PAPPA: variants seen among roughly 807,000 people sequenced by gnomAD.
The protein encoded by PAPPA is pappalysin-1.
A neutral mutation model predicts 164.0 loss-of-function variants in PAPPA; 60 were observed. That is an observed-to-expected ratio of 0.37 (90% confidence interval 0.30 to 0.45). The LOEUF (loss-of-function observed/expected upper bound fraction) is 0.45. PAPPA is among the 20% of genes least tolerant of loss of function. The probability of loss-of-function intolerance (pLI) is 1.00; values close to 1 mark genes in which losing one functional copy is unlikely to be tolerated. For missense variants in PAPPA, 1,782 were observed against 2,087.3 expected, an observed-to-expected ratio of 0.85 and a Z score of 2.85; for synonymous variants, 875 against 814.1, an observed-to-expected ratio of 1.07 and a Z score of -1.27.
At chr9:116,259,938 T>G (rs1844981384) in intron 7 of PAPPA, among the ~76,000 whole-genome samples, 1 of 152,128 alleles carries the variant, frequency 6.6e-6, no homozygotes. Context: ...AAGAAAAGAA[T>G]GGCCAAATAA....
At chr9:116,342,828 G>C (rs1207673737) in intron 13 of PAPPA, among the ~76,000 whole-genome samples, 1 of 152,132 alleles carries the variant, frequency 6.6e-6, no homozygotes, top group Non-Finnish European at 1.5e-5. Context: ...CAGTCAGAGA[G>C]GCAAAAGTCA....
At chr9:116,212,316 G>T (rs1844318282) in intron 4 of PAPPA, among the ~76,000 whole-genome samples, 1 of 151,970 alleles carries the variant, frequency 6.6e-6, no homozygotes, top group Middle Eastern at 3.2e-3. Flanking sequence ...GATTGAGTAT[G>T]ATTTTTTTTT....
chr9:116,258,693 G>T (rs1844964789), intron 7 of PAPPA, among the ~76,000 whole-genome samples: 1 of 151,778 alleles, frequency 6.6e-6, no homozygotes, highest in African/African-American at 2.4e-5. Context: ...AATTATGAAA[G>T]TACTGAAATG....
intron 9 of PAPPA, among the ~76,000 whole-genome samples, chr9:116,290,669 T>C (rs1277328959): frequency 3.3e-5 from 5 of 152,010 alleles, no homozygotes; most frequent in Non-Finnish European, 5.9e-5. Context: ...TTTCTTTCTC[T>C]CTCTCTCTTT....
chr9:116,282,940 C>A (rs1845285021), intron 9 of PAPPA, among the ~76,000 whole-genome samples: 1 of 152,066 alleles, frequency 6.6e-6, no homozygotes, highest in Admixed American at 6.6e-5. Context: ...GATTAAGTAC[C>A]AAAGAGATGT....
rs1847052298 is a variant in PAPPA at position 116,401,383 on chromosome 9, G to GAT, written c.*4769_*4770dup. 6.6e-6 allele frequency: 1 copy of GAT among 152,530 alleles called. No homozygotes were observed. Among genetic ancestry groups the GAT allele is most frequent in the African/African-American group, 2.4e-5 (1 of 41,440 alleles). 9.4% of individuals were successfully genotyped at this position (152,530 alleles called of 1,614,324 possible). A position where few individuals can be genotyped will look rare whatever the true frequency, so the allele number is the denominator to read the frequency against. ...CACATCAAGTGTTCCATTAAAAGAA[G>GAT]ATAAGGCATTCTGAGTGCAAACAAA... On this transcript the variant is annotated 3_prime_UTR_variant, in exon 22 of 22. Transcript: ENST00000328252.
rs749227108 is a variant in PAPPA at position 116,385,780 on chromosome 9, G to A, written c.4776+3287G>A. Among the ~76,000 whole-genome samples, 6 of 152,200 alleles carry A rather than the reference G, an allele frequency of 3.9e-5. No homozygotes were observed. The South Asian group carries it at 6.2e-4, about 16-fold the overall frequency. ...TGGCCAAGCTGCCTTCATCCAATGC[G>A]GTGAATCTCCATTGAGGATCTCTGT... On this transcript the variant is annotated intron_variant, in intron 21 of 21. Coordinates refer to ENST00000328252, the MANE Select transcript of PAPPA (RefSeq NM_002581.5).
chr9:116,320,951 A>C (rs1176530438), intron 10 of PAPPA, among the ~76,000 whole-genome samples: 1 of 152,158 alleles, frequency 6.6e-6, no homozygotes, highest in Non-Finnish European at 1.5e-5. Flanking sequence ...CTGAACCTGA[A>C]GTTGGAAGAT....
At position 116,235,643 on chromosome 9, in the gene PAPPA, T is replaced by C; in HGVS notation, c.2732+6T>C. 6.2e-7 allele frequency: 1 copy of C among 1,612,724 alleles called. No individual in the cohort carries two copies. Among genetic ancestry groups the C allele is most frequent in the South Asian group, 1.1e-5 (1 of 91,018 alleles). On this transcript the variant is annotated splice_donor_region_variant and intron_variant, in intron 7 of 21. Coordinates refer to ENST00000328252, the MANE Select transcript of PAPPA (RefSeq NM_002581.5). Reference sequence around the variant, plus strand: ...AATAGGAAATTCGTAGACATGTAAGTGCATTCTCTGAATAGGGAGTTTATT... The same window carrying C: ...AATAGGAAATTCGTAGACATGTAAGCGCATTCTCTGAATAGGGAGTTTATT...
intron 10 of PAPPA, among the ~76,000 whole-genome samples, chr9:116,306,019 C>T (rs892619631): frequency 2.0e-5 from 3 of 152,228 alleles, no homozygotes; most frequent in Non-Finnish European, 4.4e-5. Flanking sequence ...TTCCCTAGGA[C>T]ACTCCATTAA....
At chr9:116,327,287 G>T (rs1845932760) in intron 10 of PAPPA, among the ~76,000 whole-genome samples, 1 of 152,170 alleles carries the variant, frequency 6.6e-6, no homozygotes, top group South Asian at 2.1e-4. Flanking sequence ...AGGCTGGGAA[G>T]AACCTTGGCA....
At chr9:116,306,719 G>T (rs535378920) in intron 10 of PAPPA, among the ~76,000 whole-genome samples, 1 of 152,236 alleles carries the variant, frequency 6.6e-6, no homozygotes, top group South Asian at 2.1e-4. Context: ...TTCTTATTTG[G>T]TCTCCATGTT....
intron 10 of PAPPA, among the ~76,000 whole-genome samples, chr9:116,311,358 T>C (rs980024564): frequency 6.6e-5 from 10 of 152,156 alleles, no homozygotes; most frequent in Non-Finnish European, 1.5e-4. Context: ...GACACCAAAA[T>C]AGCTTCTTTC....
chr9:116,230,670 A>G (rs888983824), intron 6 of PAPPA, among the ~76,000 whole-genome samples: 1 of 152,204 alleles, frequency 6.6e-6, no homozygotes, highest in Admixed American at 6.5e-5. Context: ...GCATTTCATT[A>G]GCTTCATTTC....
chr9:116,382,135 T>C (rs1175630517), intron 20 of PAPPA, among the ~76,000 whole-genome samples: 1 of 151,758 alleles, frequency 6.6e-6, no homozygotes, highest in Admixed American at 6.6e-5. Flanking sequence ...CACACAAGAG[T>C]ATGTCTCTCA....
chr9:116,402,271 T>C lies in PAPPA; in HGVS notation c.*5655T>C, dbSNP rs1368671495. The C allele has an allele frequency of 6.6e-6, 1 of 152,624 alleles. No individual in the cohort carries two copies. Among genetic ancestry groups the C allele is most frequent in the African/African-American group, 2.4e-5 (1 of 41,454 alleles). 9.5% of individuals were successfully genotyped at this position (152,624 alleles called of 1,614,324 possible). ...GAAATATTTTGCCACTGTTGATTAC[T>C]ATACTTTAAAGTTCTATATTATGAA... On this transcript the variant is annotated 3_prime_UTR_variant, in exon 22 of 22. Transcript: ENST00000328252.
At chr9:116,314,876 G>C (rs563208965) in intron 10 of PAPPA, among the ~76,000 whole-genome samples, 1 of 152,292 alleles carries the variant, frequency 6.6e-6, no homozygotes, top group Admixed American at 6.5e-5. Flanking sequence ...GGAATTATCA[G>C]ACAGGCTTGA....
intron 7 of PAPPA, among the ~76,000 whole-genome samples, chr9:116,243,845 C>T (rs1844764778): frequency 6.6e-6 from 1 of 152,060 alleles, no homozygotes; most frequent in Non-Finnish European, 1.5e-5. Flanking sequence ...AGGCTGGACC[C>T]CTTCCTGAGC....
intron 9 of PAPPA, among the ~76,000 whole-genome samples, chr9:116,296,039 T>C (rs1037326742): frequency 1.3e-5 from 2 of 152,242 alleles, no homozygotes; most frequent in African/African-American, 4.8e-5. Flanking sequence ...AGCTCTTATC[T>C]GTTGCTCATT....
Sources: gnomAD v4.1 joint callset for allele counts (sites outside exome capture counted in the v4.1 genomes callset) on GRCh38, gnomAD v4.1.1 for gene constraint, MANE v1.5 for transcripts, NCBI Gene and HGNC (gene_info 2026-07-23, HGNC 2026-07-21) for gene names.